The following HDGFL3 variants were observed in gnomAD, a reference collection of about 807,000 sequenced individuals.
HDGFL3 encodes the protein HDGF like 3, also known as hepatoma-derived growth factor-related protein 3.
Under a neutral mutation model 27.6 loss-of-function variants are expected in HDGFL3, and 6 were observed. The ratio of observed to expected loss-of-function variants is 0.22; its 90% CI spans 0.12 to 0.43. The LOEUF (loss-of-function observed/expected upper bound fraction) is 0.43, where lower values mean the gene tolerates loss of function less well. Among genes scored for constraint, HDGFL3 ranks in the 20% least tolerant of loss-of-function variants. The pLI, the probability that HDGFL3 is intolerant of heterozygous loss-of-function variation, is 1.00. For synonymous variants in HDGFL3, 88 were observed against 88.9 expected (o/e 0.99, Z 0.05); for missense variants, 207 against 250.1 (o/e 0.83, Z 1.16).
rs766617472 is a variant in HDGFL3 at position 83,136,555 on chromosome 15, A to G, written c.*2715T>C. 6.2e-7 allele frequency: 1 copy of G among 1,613,802 alleles called. No homozygotes were observed. Among genetic ancestry groups the G allele is most frequent in the Admixed American group, 1.7e-5 (1 of 59,970 alleles). On this transcript the variant is annotated 3_prime_UTR_variant, in exon 6 of 6. Coordinates refer to ENST00000299633, the MANE Select transcript of HDGFL3 (RefSeq NM_016073.4). ...TCTACAGAGTCCCTGAAGAAGCAAA[A>G]ATCCTTTTTTTAGCATTAAACATAG...
intron 1 of HDGFL3, among the ~76,000 whole-genome samples, chr15:83,172,814 C>G (rs897892431): frequency 1.3e-5 from 2 of 148,222 alleles, no homozygotes; most frequent in African/African-American, 5.0e-5. Context: ...GAGCAATAGA[C>G]TCCAGCTCAA....
At chr15:83,206,703 C>T (rs557721944) in intron 1 of HDGFL3, among the ~76,000 whole-genome samples, 4 of 152,188 alleles carry the variant, frequency 2.6e-5, no homozygotes, top group Non-Finnish European at 5.9e-5. Flanking sequence ...TCTCGGCTAT[C>T]AGAGGTCGGT....
At chr15:83,200,189 C>CA (rs932159660) in intron 1 of HDGFL3, among the ~76,000 whole-genome samples, 1 of 149,984 alleles carries the variant, frequency 6.7e-6, no homozygotes, top group African/African-American at 2.5e-5. Flanking sequence ...TAAAAAAATA[C>CA]AAAAAAATCA....
chr15:83,124,717 G>A (rs1413980955), downstream of HDGFL3: 1 of 1,614,100 alleles, frequency 6.2e-7, no homozygotes, highest in South Asian at 1.1e-5. Flanking sequence ...AAGACCATTT[G>A]ATTTAATGTT....
intron 5 of HDGFL3, among the ~76,000 whole-genome samples, chr15:83,146,590 C>T (rs1403018157): frequency 6.6e-6 from 1 of 152,182 alleles, no homozygotes; most frequent in Non-Finnish European, 1.5e-5. Context: ...TTGTACACAT[C>T]CTTGATTCCC....
At chr15:83,182,328 T>C (rs2037391223) in intron 1 of HDGFL3, among the ~76,000 whole-genome samples, 1 of 152,228 alleles carries the variant, frequency 6.6e-6, no homozygotes, top group East Asian at 1.9e-4. Flanking sequence ...GCTTTATGTA[T>C]TTACTCAAAA....
At chr15:83,180,146 C>T (rs1004054819) in intron 1 of HDGFL3, among the ~76,000 whole-genome samples, 1 of 151,970 alleles carries the variant, frequency 6.6e-6, no homozygotes, top group Non-Finnish European at 1.5e-5. Flanking sequence ...CCAAAGTGTC[C>T]TGATTGACTC....
rs1352987429 is a variant in HDGFL3 at position 83,207,550 on chromosome 15, G to T, written c.-136C>A. ...GGACGAGCGGCCGCTCCGACGAGGG[G>T]AAGCGGCGAGGCGGCGGCTGAGGCA... On this transcript the variant is annotated 5_prime_UTR_variant, in exon 1 of 6. Transcript: ENST00000299633. The surrounding 1 kb of genome is among the most constrained non-coding windows in gnomAD (Gnocchi z 4.8). 3.4e-6 allele frequency: 2 copies of T among 584,834 alleles called. No individual in the cohort carries two copies. Among genetic ancestry groups the T allele is most frequent in the African/African-American group, 3.9e-5 (2 of 51,380 alleles). 36.2% of individuals were successfully genotyped at this position (584,834 alleles called of 1,614,324 possible). A position where few individuals can be genotyped will look rare whatever the true frequency, so the allele number is the denominator to read the frequency against.
intron 1 of HDGFL3, among the ~76,000 whole-genome samples, chr15:83,167,139 T>TA (rs1402750941): frequency 6.6e-6 from 1 of 152,180 alleles, no homozygotes; most frequent in African/African-American, 2.4e-5. Flanking sequence ...ATCTTAGATG[T>TA]AACGACACCC....
intron 5 of HDGFL3, among the ~76,000 whole-genome samples, chr15:83,146,903 C>A (rs893151751): frequency 6.6e-6 from 1 of 152,122 alleles, no homozygotes; most frequent in Non-Finnish European, 1.5e-5. Flanking sequence ...AAATGCTAAC[C>A]TTGTTCCTTA....
chr15:83,159,953 A>G (rs2037077783), intron 2 of HDGFL3, among the ~76,000 whole-genome samples: 1 of 152,188 alleles, frequency 6.6e-6, no homozygotes, highest in Admixed American at 6.5e-5. Context: ...TCTTAATAGG[A>G]TAACTTTGGC....
chr15:83,124,024 A>G (rs532261127), downstream of HDGFL3, among the ~76,000 whole-genome samples: 2 of 152,334 alleles, frequency 1.3e-5, no homozygotes, highest in South Asian at 4.1e-4. Flanking sequence ...AGATACCACC[A>G]AAGATTTACA....
At chr15:83,187,313 A>C (rs1160857896) in intron 1 of HDGFL3, among the ~76,000 whole-genome samples, 1 of 152,080 alleles carries the variant, frequency 6.6e-6, no homozygotes, top group Non-Finnish European at 1.5e-5. Context: ...AATCATATAC[A>C]AATGTTACAC....
At chr15:83,161,502 C>T (rs2037100843) in intron 2 of HDGFL3, among the ~76,000 whole-genome samples, 1 of 152,144 alleles carries the variant, frequency 6.6e-6, no homozygotes, top group Non-Finnish European at 1.5e-5. Flanking sequence ...GGCTAATGGT[C>T]ATTATTTTTT....
intron 1 of HDGFL3, among the ~76,000 whole-genome samples, chr15:83,165,654 A>T (rs2151406567): frequency 6.6e-6 from 1 of 152,138 alleles, no homozygotes; most frequent in East Asian, 1.9e-4. Context: ...AAGTAGCCAG[A>T]CATGGTGATG....
chr15:83,121,904 TG>T, intron 3 of HDGFL3: 3 of 1,577,408 alleles, frequency 1.9e-6, no homozygotes, highest in African/African-American at 2.7e-5. Flanking sequence ...AAGATTTTTT[TG>T]TTGTTGTTGT....
At position 83,207,537 on chromosome 15, in the gene HDGFL3, G is replaced by C. The variant is rs1454163099; in HGVS notation, c.-123C>G. ...CCTCAAGCCGGGCGGACGAGCGGCC[G>C]CTCCGACGAGGGGAAGCGGCGAGGC... is the stretch of plus-strand genomic sequence containing the variant. On this transcript the variant is annotated 5_prime_UTR_variant, in exon 1 of 6. Transcript: ENST00000299633. The surrounding 1 kb of genome is among the most constrained non-coding windows in gnomAD (Gnocchi z 4.8). 4.3e-6 allele frequency: 3 copies of C among 696,326 alleles called. No individual in the cohort carries two copies. Among genetic ancestry groups the C allele is most frequent in the African/African-American group, 1.9e-5 (1 of 53,538 alleles). 43.1% of individuals were successfully genotyped at this position (696,326 alleles called of 1,614,324 possible).
At chr15:83,203,877 A>G (rs2037683065) in intron 1 of HDGFL3, among the ~76,000 whole-genome samples, 1 of 151,194 alleles carries the variant, frequency 6.6e-6, no homozygotes, top group Non-Finnish European at 1.5e-5. Flanking sequence ...TTAGTGATGT[A>G]TGCTCAAATT....
Position 83,136,488 on chromosome 15 carries a change from T to C in HDGFL3, c.*2782A>G, listed in dbSNP as rs1396872244. On this transcript the variant is annotated 3_prime_UTR_variant, in exon 6 of 6. Coordinates refer to ENST00000299633, the MANE Select transcript of HDGFL3 (RefSeq NM_016073.4). ...TTTTTTTAAATGCAACAGGCTCAGT[T>C]TTCTCACATTGGTGCATCTCTTCAT... 3.2e-6 allele frequency: 5 copies of C among 1,578,814 alleles called. No individual in the cohort carries two copies. Among genetic ancestry groups the C allele is most frequent in the Middle Eastern group, 1.7e-4 (1 of 5,860 alleles).
Sources: gnomAD v4.1 joint callset for allele counts (sites outside exome capture counted in the v4.1 genomes callset) on GRCh38, gnomAD v4.1.1 for gene constraint, Gnocchi (gnomAD v3.1) non-coding constraint, MANE v1.5 for transcripts, NCBI Gene and HGNC (gene_info 2026-07-23, HGNC 2026-07-21) for gene names.